Variants in NPIPA5 observed in about 807,000 individuals in gnomAD.
NPIPA5 encodes the protein nuclear pore complex interacting protein family member A5.
In NPIPA5, 6 loss-of-function variants were observed where a neutral mutation model predicts 21.4. That is an observed-to-expected ratio of 0.28 (90% CI 0.15 to 0.55). The LOEUF is 0.55. NPIPA5 is among the 20% of genes least tolerant of loss of function. The pLI is 0.93. For missense variants in NPIPA5, 99 were observed against 318.2 expected, an observed-to-expected ratio of 0.31 and a Z score of 5.24; for synonymous variants, 33 against 115.3, an observed-to-expected ratio of 0.29 and a Z score of 4.57.
chr16:15,380,425 C>G (rs117053180), upstream of NPIPA5, among the ~76,000 whole-genome samples: 6 of 151,760 alleles, frequency 4.0e-5, no homozygotes, highest in African/African-American at 1.5e-4. Flanking sequence ...TGAATTTCAG[C>G]AATTCTCCTG....
At chr16:15,378,047 C>T (rs1300943732) in intron 1 of NPIPA5, among the ~76,000 whole-genome samples, 185 bp downstream of exon 1, 1 of 145,256 alleles carries the variant, frequency 6.9e-6, no homozygotes, top group Non-Finnish European at 1.5e-5. Context: ...GTCCCCCACG[C>T]TCCTCCCAAG....
chr16:15,381,150 A>G (rs2050428627), upstream of NPIPA5: 3 of 1,303,268 alleles, frequency 2.3e-6, no homozygotes, highest in Admixed American at 7.1e-5. Flanking sequence ...GTTTGAGTCT[A>G]TAGTGGTCAA....
intron 4 of NPIPA5, among the ~76,000 whole-genome samples, chr16:15,368,760 C>T (rs912931636): frequency 7.8e-6 from 1 of 128,592 alleles, no homozygotes; most frequent in Non-Finnish European, 1.7e-5. Context: ...GTGTGCGGAT[C>T]ATGATGTCAG....
intron 2 of NPIPA5, among the ~76,000 whole-genome samples, chr16:15,371,997 GA>G (rs2050167880): frequency 6.9e-6 from 1 of 144,844 alleles, no homozygotes; most frequent in Non-Finnish European, 1.5e-5. Flanking sequence ...TTGGAGCTAG[GA>G]GAAATGTCAA....
At chr16:15,380,592 G>T (rs1426470293), upstream of NPIPA5, among the ~76,000 whole-genome samples, 21 of 151,718 alleles carry the variant, frequency 1.4e-4, no homozygotes, top group Non-Finnish European at 1.5e-5. Flanking sequence ...CAAAATGCTG[G>T]GATTACAGGC....
intron 2 of NPIPA5, among the ~76,000 whole-genome samples, chr16:15,370,769 G>C (rs2050133335): frequency 6.9e-6 from 1 of 145,572 alleles, no homozygotes; most frequent in African/African-American, 2.5e-5. Context: ...AAAAAAAATA[G>C]GCCAGGTGCG....
At chr16:15,380,823 A>G (rs370798484), upstream of NPIPA5, 1 of 591,280 alleles carries the variant, frequency 1.7e-6, no homozygotes, top group East Asian at 2.9e-5. Context: ...GCCAGTACTG[A>G]GACTGCGTAA....
At chr16:15,367,341 A>G (rs1330547952) in intron 4 of NPIPA5, among the ~76,000 whole-genome samples, 2 of 152,116 alleles carry the variant, frequency 1.3e-5, no homozygotes, top group African/African-American at 4.8e-5. Context: ...CATCGACTTT[A>G]AAGATCCTGA....
intron 4 of NPIPA5, among the ~76,000 whole-genome samples, chr16:15,368,533 C>T (rs959553505): frequency 1.3e-5 from 2 of 151,528 alleles, no homozygotes; most frequent in South Asian, 4.2e-4. Context: ...ACATGAAAGA[C>T]TGTGAAAATG....
At chr16:15,370,687 G>A (rs975686284) in intron 2 of NPIPA5, among the ~76,000 whole-genome samples, 19 of 139,916 alleles carry the variant, frequency 1.4e-4, no homozygotes, top group African/African-American at 4.6e-4. Context: ...GCAGGAAAAG[G>A]TTGTGTTGAG....
At chr16:15,366,927 G>C (rs1197132507) in intron 4 of NPIPA5, among the ~76,000 whole-genome samples, 167 bp from the exon 5 acceptor site, 1 of 151,702 alleles carries the variant, frequency 6.6e-6, no homozygotes, top group Non-Finnish European at 1.5e-5. Context: ...CCCATTGAGG[G>C]ATAAAAAAAA....
upstream of NPIPA5, among the ~76,000 whole-genome samples, chr16:15,380,489 AT>A (rs2050413347): frequency 6.6e-6 from 1 of 151,856 alleles, no homozygotes; most frequent in Non-Finnish European, 1.5e-5. Flanking sequence ...TGCCCGGCTA[AT>A]TTTTGTATTT....
upstream of NPIPA5, among the ~76,000 whole-genome samples, chr16:15,379,629 T>C (rs983165163): frequency 1.7e-4 from 25 of 151,492 alleles, no homozygotes; most frequent in Non-Finnish European, 3.4e-4. Flanking sequence ...AATTCAATTC[T>C]TTTTATATGC....
At chr16:15,370,552 G>A (rs2050126206) in intron 2 of NPIPA5, among the ~76,000 whole-genome samples, 2 of 145,480 alleles carry the variant, frequency 1.4e-5, no homozygotes, top group African/African-American at 5.0e-5. Context: ...GGGAGTTTGA[G>A]ACCAGCCTCA....
At chr16:15,379,747 C>T (rs1386071295), upstream of NPIPA5, among the ~76,000 whole-genome samples, 2 of 151,988 alleles carry the variant, frequency 1.3e-5, no homozygotes, top group South Asian at 2.1e-4. Flanking sequence ...GGGGTTGACA[C>T]GAGCCTGGCC....
chr16:15,379,321 C>G (rs3883215), upstream of NPIPA5, among the ~76,000 whole-genome samples: 187 of 151,624 alleles, frequency 1.2e-3, no homozygotes, highest in Non-Finnish European at 2.0e-3. Context: ...TGTAATCCCA[C>G]CACTTTGGGA....
chr16:15,371,046 A>C (rs1222398683), intron 2 of NPIPA5, among the ~76,000 whole-genome samples: 1 of 44,320 alleles, frequency 2.3e-5, no homozygotes, highest in South Asian at 9.0e-4. Context: ...ACTCCGTCTC[A>C]AAAAAAAAAA....
chr16:15,366,929 T>TA (rs1304900073), intron 4 of NPIPA5, among the ~76,000 whole-genome samples, 169 bp from the exon 5 acceptor site: 71 of 146,668 alleles, frequency 4.8e-4, no homozygotes, highest in East Asian at 6.0e-4. Flanking sequence ...CATTGAGGGA[T>TA]AAAAAAAAAT....
intron 2 of NPIPA5, among the ~76,000 whole-genome samples, chr16:15,372,275 C>A (rs1416920356): frequency 1.4e-5 from 2 of 146,970 alleles, no homozygotes; most frequent in Non-Finnish European, 3.0e-5. Flanking sequence ...CATTTGAGGT[C>A]GGGTTTTGAG....
Sources: allele counts gnomAD v4.1 joint callset (sites outside exome capture counted in the v4.1 genomes callset), GRCh38; gene constraint gnomAD v4.1.1; transcripts MANE v1.5; gene names NCBI Gene and HGNC (gene_info 2026-07-23, HGNC 2026-07-21).